The following SCN1A variants were observed in gnomAD, a reference collection of about 807,000 sequenced individuals.
The protein encoded by SCN1A is sodium channel protein type 1 subunit alpha.
In SCN1A, 13 loss-of-function variants were observed where a neutral mutation model predicts 193.7. The ratio of observed to expected loss-of-function variants is 0.07; its 90% CI spans 0.04 to 0.11. The LOEUF (loss-of-function observed/expected upper bound fraction) is 0.11. SCN1A is among the 10% of genes least tolerant of loss of function. SCN1A has a pLI of 1.00. For missense variants in SCN1A, 1,432 were observed against 2,451.1 expected, an observed-to-expected ratio of 0.58 and a Z score of 8.78; for synonymous variants, 781 against 843.6, an observed-to-expected ratio of 0.93 and a Z score of 1.29.
At chr2:166,038,867 C>T (rs957531209) in intron 17 of SCN1A, among the ~76,000 whole-genome samples, 1 of 152,072 alleles carries the variant, frequency 6.6e-6, no homozygotes, top group African/African-American at 2.4e-5. Flanking sequence ...TAGTTACATC[C>T]ACCTGCATTG....
chr2:166,062,855 T>C (rs1020298959), intron 4 of SCN1A, among the ~76,000 whole-genome samples: 7 of 96,418 alleles, frequency 7.3e-5, no homozygotes, highest in African/African-American at 2.4e-4. Context: ...TTAAATCTAA[T>C]TAGTTCAACA....
At position 166,043,895 on chromosome 2, in the gene SCN1A, T is replaced by C. The variant is rs748797259; in HGVS notation, c.1817A>G (p.Asp606Gly). 4 of 1,614,032 alleles carry C rather than the reference T, an allele frequency of 2.5e-6. No homozygotes were observed. The East Asian group carries it at 8.9e-5, about 36-fold the overall frequency. ...STFEDNESRR[D>G]SLFVPRRHGE... ...GTGTCGTCGGGGCACAAACAAGGAA[T>C]CTCTACGGCTCTCGTTATCCTCAAA... is the stretch of plus-strand genomic sequence containing the variant. Residue 606 changes from aspartate to glycine, a missense_variant, in exon 14 of 29, where the codon GAT becomes GGT. By Grantham distance (94) the Asp-to-Gly change is moderately conservative. Coordinates refer to ENST00000674923, the MANE Select transcript of SCN1A (RefSeq NM_001165963.4).
Position 166,046,829 on chromosome 2 carries a change from T to G in SCN1A, c.1318A>C (p.Lys440Gln), listed in dbSNP as rs1241029448. 1 of 1,613,834 alleles carries G rather than the reference T, an allele frequency of 6.2e-7. No homozygotes were observed. Among genetic ancestry groups the G allele is most frequent in the African/African-American group, 1.3e-5 (1 of 74,914 alleles). Residue 440 changes from lysine (K) to glutamine (Q), a missense_variant, in exon 12 of 29, where the codon AAA (lysine) becomes CAA (glutamine). Physicochemically the swap from Lys to Gln is moderately conservative, Grantham distance 53. This residue lies in a region of SCN1A where 58 missense variants were observed against 103.4 expected (regional missense o/e 0.56). Coordinates refer to ENST00000674923, the MANE Select transcript of SCN1A (RefSeq NM_001165963.4). The stretch of plus-strand genomic sequence containing the variant: ...ATCATCTGCTGAAATTCGGCCTCTT[T>G]CTGTTCTGCTTCTTCCAAGGTGGCC... ...NQATLEEAEQ[K>Q]EAEFQQMIEQ...
chr2:166,113,797 A>C (rs1689557723), intron 2 of SCN1A, among the ~76,000 whole-genome samples: 5 of 152,184 alleles, frequency 3.3e-5, no homozygotes. Flanking sequence ...TGATGGATGC[A>C]CTGAAGGCCG....
rs796053061 is a variant in SCN1A at position 166,043,922 on chromosome 2, GTGC to G, written c.1787_1789del (p.Ser596del). 6.2e-6 allele frequency: 10 copies of G among 1,614,030 alleles called. No homozygotes were observed. In the Admixed American group the frequency reaches 8.3e-5, roughly 13 times the overall value. The stretch of plus-strand genomic sequence containing the variant: ...TCTACGGCTCTCGTTATCCTCAAAG[GTGC>G]TGTGCTCATCATCTGCGAAGTCGTT... On this transcript the variant is annotated inframe_deletion, in exon 14 of 29. Coordinates refer to ENST00000674923, the MANE Select transcript of SCN1A (RefSeq NM_001165963.4).
At chr2:166,079,596 A>G (rs115525490) in intron 2 of SCN1A, among the ~76,000 whole-genome samples, 4,009 of 150,900 alleles carry the variant, frequency 0.027, 66 homozygotes, top group Non-Finnish European at 0.041. Context: ...ACTTGATGTT[A>G]TTGTCCATGA....
chr2:166,102,589 A>C (rs557934962), intron 2 of SCN1A, among the ~76,000 whole-genome samples: 165 of 152,120 alleles, frequency 1.1e-3, no homozygotes, highest in African/African-American at 3.9e-3. Flanking sequence ...ACACTTATAC[A>C]CTGGTGGTGA....
chr2:166,020,246 C>T (rs530146330), intron 19 of SCN1A, among the ~76,000 whole-genome samples: 1 of 152,278 alleles, frequency 6.6e-6, no homozygotes, highest in African/African-American at 2.4e-5. Context: ...ACTTTTTCTC[C>T]TAGTGATTTT....
intron 14 of SCN1A, 100 bp from the exon 15 acceptor site, chr2:166,042,524 C>A (rs375434092): frequency 9.6e-7 from 1 of 1,041,242 alleles, no homozygotes; most frequent in Non-Finnish European, 1.5e-6. Context: ...ACACATGCAT[C>A]ATGCACTTTC....
chr2:165,985,308 A>C (rs1018669831), downstream of SCN1A: 7 of 149,844 alleles, frequency 4.7e-5, no homozygotes, highest in African/African-American at 1.7e-4. Flanking sequence ...GAAGGGAGAG[A>C]GGGAGGAAGG....
chr2:166,145,998 G>A (rs912953137), intron 1 of SCN1A, among the ~76,000 whole-genome samples: 1 of 152,212 alleles, frequency 6.6e-6, no homozygotes. Context: ...GAGAAAATGC[G>A]GGTAGAAGCC....
chr2:166,049,098 C>A, intron 9 of SCN1A, 149 bp from the exon 10 acceptor site: 1 of 642,132 alleles, frequency 1.6e-6, no homozygotes, highest in South Asian at 1.8e-5. Context: ...TCTCTTCTCC[C>A]TCTAAATTCT....
At chr2:166,143,584 A>G (rs888478317) in intron 1 of SCN1A, among the ~76,000 whole-genome samples, 1 of 152,190 alleles carries the variant, frequency 6.6e-6, no homozygotes, top group Non-Finnish European at 1.5e-5. Flanking sequence ...TTCAATAATC[A>G]ATGCATCTCC....
At chr2:166,063,840 G>A (rs1683568638) in intron 4 of SCN1A, among the ~76,000 whole-genome samples, 1 of 151,916 alleles carries the variant, frequency 6.6e-6, no homozygotes, top group Non-Finnish European at 1.5e-5. Flanking sequence ...TTTATACTAA[G>A]TCTTAGATCT....
intron 25 of SCN1A, 109 bp from the exon 26 acceptor site, chr2:165,998,284 C>A: frequency 2.2e-6 from 2 of 899,500 alleles, no homozygotes; most frequent in Admixed American, 2.7e-5. Flanking sequence ...AATATGTCAG[C>A]ATTTTTTTTT....
intron 18 of SCN1A, among the ~76,000 whole-genome samples, chr2:166,037,028 A>C (rs1033545609): frequency 4.6e-5 from 7 of 152,194 alleles, no homozygotes; most frequent in African/African-American, 1.7e-4. Flanking sequence ...TATATTTCTC[A>C]TACTTCATTG....
At chr2:166,055,692 A>G (rs1699063014) in intron 6 of SCN1A, among the ~76,000 whole-genome samples, 1 of 152,018 alleles carries the variant, frequency 6.6e-6, no homozygotes, top group South Asian at 2.1e-4. Flanking sequence ...GTATAGTAAC[A>G]GGCATTACAA....
chr2:166,051,575 C>T (rs1698555802), intron 9 of SCN1A, 144 bp downstream of exon 9: 1 of 583,432 alleles, frequency 1.7e-6, no homozygotes, highest in African/African-American at 1.9e-5. Flanking sequence ...ATATGGGGTA[C>T]ATGAGATGTT....
At chr2:166,146,549 G>A (rs910105431) in intron 1 of SCN1A, among the ~76,000 whole-genome samples, 3 of 152,172 alleles carry the variant, frequency 2.0e-5, no homozygotes, top group Non-Finnish European at 4.4e-5. Flanking sequence ...GACACTTTGT[G>A]GGTAGAGGCA....
Sources: allele counts gnomAD v4.1 joint callset (sites outside exome capture counted in the v4.1 genomes callset), GRCh38; gene constraint gnomAD v4.1.1; regional missense constraint gnomAD v4.1.1; transcripts MANE v1.5; gene names NCBI Gene and HGNC (gene_info 2026-07-23, HGNC 2026-07-21).